Variants in ATOSA observed in about 807,000 individuals in gnomAD.
The protein encoded by ATOSA is atos homolog protein A.
At chr15:52,581,553 C>T in the ATOSA span, 1 of 152,362 alleles carries the variant, frequency 6.6e-6, no homozygotes, top group Non-Finnish European at 1.5e-5. Context: ...CCACATTGCA[C>T]TGCTAATACA....
the ATOSA span, among the ~76,000 whole-genome samples, chr15:52,659,030 A>G: frequency 1.3e-5 from 2 of 152,038 alleles, no homozygotes; most frequent in Admixed American, 1.3e-4. Context: ...AATTTCTGTA[A>G]GTTTGTACGG....
the ATOSA span, chr15:52,608,907 G>T: frequency 6.2e-7 from 1 of 1,607,674 alleles, no homozygotes; most frequent in South Asian, 1.1e-5. Flanking sequence ...GATTGCCAAA[G>T]AATTTTGGAT....
At chr15:52,649,412 T>C in the ATOSA span, 1 of 152,140 alleles carries the variant, frequency 6.6e-6, no homozygotes, top group Non-Finnish European at 1.5e-5. Context: ...ACTCAGATTG[T>C]TACCCCTTCC....
chr15:52,587,024 C>G, the ATOSA span: 1 of 1,548,592 alleles, frequency 6.5e-7, no homozygotes, highest in Non-Finnish European at 8.7e-7. Flanking sequence ...CAGGGGAACT[C>G]CAAACAAAGC....
At chr15:52,666,348 C>T in the ATOSA span, among the ~76,000 whole-genome samples, 1 of 152,178 alleles carries the variant, frequency 6.6e-6, no homozygotes, top group Non-Finnish European at 1.5e-5. Flanking sequence ...ACACACAGTA[C>T]CCTGCTGACT....
the ATOSA span, among the ~76,000 whole-genome samples, chr15:52,655,010 C>T: frequency 1.2e-4 from 18 of 152,132 alleles, no homozygotes; most frequent in South Asian, 2.3e-3. Flanking sequence ...AATCTCTTTA[C>T]GTACTCTTCT....
the ATOSA span, chr15:52,601,051 G>C: frequency 2.2e-6 from 3 of 1,352,444 alleles, no homozygotes; most frequent in South Asian, 2.7e-5. Flanking sequence ...GTGAAATTCT[G>C]TTTGAAACAC....
the ATOSA span, among the ~76,000 whole-genome samples, chr15:52,588,962 C>T: frequency 6.6e-6 from 1 of 151,994 alleles, no homozygotes; most frequent in Admixed American, 6.6e-5. Context: ...GGAAGTTGGA[C>T]CAGGGTTAGG....
chr15:52,590,836 T>C, the ATOSA span: 10 of 152,188 alleles, frequency 6.6e-5, no homozygotes, highest in Non-Finnish European at 1.3e-4. Context: ...AATTTTTTCA[T>C]AGGAAAAATA....
the ATOSA span, chr15:52,652,152 C>T: frequency 1.8e-6 from 2 of 1,088,140 alleles, no homozygotes; most frequent in Non-Finnish European, 2.4e-6. Context: ...ACTACAGCTT[C>T]CTGTCTACTT....
At chr15:52,679,059 T>C in the ATOSA span, 2 of 152,792 alleles carry the variant, frequency 1.3e-5, no homozygotes, top group South Asian at 4.1e-4. Flanking sequence ...GAGCGGAGTA[T>C]GGAGCGCAGC....
At chr15:52,639,668 C>T in the ATOSA span, among the ~76,000 whole-genome samples, 1 of 152,172 alleles carries the variant, frequency 6.6e-6, no homozygotes, top group African/African-American at 2.4e-5. Flanking sequence ...GCTTGTGGAT[C>T]AATCATGCAG....
At chr15:52,611,610 T>C in the ATOSA span, 1 of 1,614,046 alleles carries the variant, frequency 6.2e-7, no homozygotes. Flanking sequence ...ATCTTTCTAA[T>C]AATAATGCAT....
At chr15:52,676,991 C>T in the ATOSA span, among the ~76,000 whole-genome samples, 5 of 152,260 alleles carry the variant, frequency 3.3e-5, no homozygotes, top group African/African-American at 9.6e-5. Flanking sequence ...ATGTAATAGC[C>T]AACACCTAAA....
chr15:52,609,452 T>C, the ATOSA span: 1 of 1,613,658 alleles, frequency 6.2e-7, no homozygotes, highest in Non-Finnish European at 8.5e-7. Context: ...TGAGCAATCC[T>C]TGCAATAACA....
the ATOSA span, among the ~76,000 whole-genome samples, chr15:52,672,156 G>T: frequency 1.1e-5 from 1 of 89,720 alleles, no homozygotes; most frequent in Non-Finnish European, 2.1e-5. Flanking sequence ...GGGCAACATA[G>T]TGAGACCCCA....
chr15:52,663,945 C>T, the ATOSA span, among the ~76,000 whole-genome samples: 4 of 152,152 alleles, frequency 2.6e-5, no homozygotes, highest in Non-Finnish European at 5.9e-5. Context: ...AATAGATATA[C>T]GTATCTACAT....
the ATOSA span, chr15:52,656,442 C>T: frequency 6.6e-6 from 1 of 152,032 alleles, no homozygotes; most frequent in African/African-American, 2.4e-5. Context: ...AATGGCCAAA[C>T]AGCAACCAAA....
chr15:52,603,394 A>C, the ATOSA span, among the ~76,000 whole-genome samples: 1 of 152,338 alleles, frequency 6.6e-6, no homozygotes, highest in African/African-American at 2.4e-5. Flanking sequence ...GTAAATTAGT[A>C]CAGCTACTGT....
Sources: gnomAD v4.1 joint callset for allele counts (sites outside exome capture counted in the v4.1 genomes callset) on GRCh38, gnomAD v4.1.1 for gene constraint, MANE v1.5 for transcripts, NCBI Gene and HGNC (gene_info 2026-07-23, HGNC 2026-07-21) for gene names.